Variants in CDK15 observed in about 807,000 individuals in gnomAD.
CDK15 encodes the protein cyclin-dependent kinase 15.
CDK15 carries 62 observed loss-of-function variants against 60.3 expected under a neutral mutation model. The observed-to-expected ratio is 1.03, with a 90% CI of 0.84 to 1.27. CDK15 has a LOEUF of 1.27. Among genes scored for constraint, CDK15 ranks in the 50% most tolerant of loss-of-function variants. The pLI, the probability that CDK15 is intolerant of heterozygous loss-of-function variation, is 0.00. For missense variants in CDK15, 541 were observed against 527.8 expected (o/e 1.03, Z -0.25); for synonymous variants, 194 against 195.7 (o/e 0.99, Z 0.07).
rs569055273 is a variant in CDK15 at position 201,878,388 on chromosome 2, A to G, written c.1059-1640A>G. Reference sequence around the variant, plus strand: ...AACTCTGGCTTCTCCCTCCCACTCTAGGGTCTGTGTAGGTACCACAGATCC... The same window carrying G: ...AACTCTGGCTTCTCCCTCCCACTCTGGGGTCTGTGTAGGTACCACAGATCC... On this transcript the variant is annotated intron_variant, in intron 11 of 13. Transcript: ENST00000652192. Among the ~76,000 whole-genome samples the G allele has an allele frequency of 9.9e-5, 15 of 151,924 alleles. No individual in the cohort carries two copies. In the South Asian group the frequency reaches 3.1e-3, roughly 32 times the overall value.
rs750991365 is a variant in CDK15, at chr2:201,890,847, T to A, written c.1261T>A (p.Ser421Thr). The A allele has an allele frequency of 6.2e-7, 1 of 1,613,812 alleles. No individual in the cohort carries two copies. The highest frequency in any genetic ancestry group is 1.7e-5 in the Admixed American group (1 of 60,012). Residue 421 changes from serine to threonine, a missense_variant, in exon 13 of 14, where the codon TCC (serine) becomes ACC (threonine). Ser to Thr is a moderately conservative substitution (Grantham distance 58). Transcript: ENST00000652192. ...LKPEMCDLLA[S>T]YQKGHHPAQF... Reference sequence around the variant, plus strand: ...GCCAGAAATGTGTGACCTTTTGGCCTCCTACCAGAAAGGTCACCACCCAGC... The same window carrying A: ...GCCAGAAATGTGTGACCTTTTGGCCACCTACCAGAAAGGTCACCACCCAGC...
chr2:201,810,080 A>G (rs932087979), intron 3 of CDK15, among the ~76,000 whole-genome samples: 1 of 152,032 alleles, frequency 6.6e-6, no homozygotes, highest in Admixed American at 6.6e-5. Flanking sequence ...TTTCTCTTAT[A>G]AACATATTTG....
intron 6 of CDK15, chr2:201,824,765 A>G: frequency 2.8e-6 from 2 of 716,850 alleles, no homozygotes; most frequent in Non-Finnish European, 3.9e-6. Flanking sequence ...CAAGAGCTTC[A>G]GCGCCTAATG....
At chr2:201,859,640 G>A (rs868690327) in intron 10 of CDK15, among the ~76,000 whole-genome samples, 8 of 152,178 alleles carry the variant, frequency 5.3e-5, no homozygotes, top group Admixed American at 1.3e-4. Context: ...GAGCCCAGTC[G>A]AGAGTTCTCT....
intron 4 of CDK15, 49 bp from the exon 5 acceptor site, chr2:201,822,760 G>A (rs752529253): frequency 9.5e-7 from 1 of 1,053,116 alleles, no homozygotes; most frequent in South Asian, 1.3e-5. Context: ...CTTTAGAGCA[G>A]CACTTTCATT....
At chr2:201,837,115 C>G (rs571017417) in intron 8 of CDK15, among the ~76,000 whole-genome samples, 58 of 151,846 alleles carry the variant, frequency 3.8e-4, no homozygotes, top group Non-Finnish European at 6.6e-4. Flanking sequence ...CTGGGTAGCA[C>G]AGTGAGATGC....
chr2:201,841,867 TTCTC>T (rs1213232520), intron 8 of CDK15, among the ~76,000 whole-genome samples: 2 of 152,226 alleles, frequency 1.3e-5, no homozygotes, highest in East Asian at 1.9e-4. Flanking sequence ...ACGTCTTTTC[TTCTC>T]TCTCTTTCTG....
At chr2:201,881,875 G>T (rs1382266508) in intron 12 of CDK15, among the ~76,000 whole-genome samples, 1 of 152,000 alleles carries the variant, frequency 6.6e-6, no homozygotes, top group African/African-American at 2.4e-5. Context: ...TCATGCAAGT[G>T]TACACGCTTG....
chr2:201,869,537 A>C (rs1698775350), intron 10 of CDK15, among the ~76,000 whole-genome samples: 1 of 152,112 alleles, frequency 6.6e-6, no homozygotes, highest in Non-Finnish European at 1.5e-5. Flanking sequence ...ATAATGAAAA[A>C]AATTAAATTA....
At position 201,889,513 on chromosome 2, in the gene CDK15, A is replaced by G. The variant is rs1699569153; in HGVS notation, c.1199-1272A>G. 6.4e-6 allele frequency: 5 copies of G among 777,528 alleles called. No homozygotes were observed. In the South Asian group the frequency reaches 2.3e-4, roughly 36 times the overall value. The allele number at this position is 777,528 out of a possible 1,614,324, so 48.2% of individuals were successfully genotyped here. On this transcript the variant is annotated intron_variant, in intron 12 of 13. Coordinates refer to ENST00000652192, the MANE Select transcript of CDK15 (RefSeq NM_001366386.2). Reference sequence around the variant, plus strand: ...TTACAGCAATCTGCCAGGAAGTTTTATTTTCCGTACTTTTCAGATAAGCCC... The same window carrying G: ...TTACAGCAATCTGCCAGGAAGTTTTGTTTTCCGTACTTTTCAGATAAGCCC...
intron 10 of CDK15, among the ~76,000 whole-genome samples, chr2:201,856,318 C>A (rs1698143077): frequency 6.6e-6 from 1 of 152,168 alleles, no homozygotes; most frequent in South Asian, 2.1e-4. Context: ...GCATCTTGAA[C>A]CACCAGGATT....
At chr2:201,831,434 C>G (rs1474317508) in intron 6 of CDK15, among the ~76,000 whole-genome samples, 2 of 152,152 alleles carry the variant, frequency 1.3e-5, no homozygotes, top group East Asian at 3.8e-4. Context: ...TTGAACTGTG[C>G]AGACACCATC....
At chr2:201,881,607 C>T (rs1427598725) in intron 12 of CDK15, among the ~76,000 whole-genome samples, 2 of 152,194 alleles carry the variant, frequency 1.3e-5, no homozygotes, top group East Asian at 3.9e-4. Flanking sequence ...TTTGGAGGAA[C>T]AAGAATTCAA....
chr2:201,813,497 C>T (rs1227782687), intron 4 of CDK15, among the ~76,000 whole-genome samples: 1 of 152,228 alleles, frequency 6.6e-6, no homozygotes, highest in African/African-American at 2.4e-5. Flanking sequence ...AACTACTTAT[C>T]TTCTGTTCTT....
Position 201,872,270 on chromosome 2 carries a change from C to G in CDK15, c.1010-8C>G. ...TTTATTTTTTAACGCCCTCTGTATG[C>G]TTCCCAGAATGGTTCCCACTGCCTA... On this transcript the variant is annotated splice_polypyrimidine_tract_variant and splice_region_variant and intron_variant, in intron 10 of 13. Transcript: ENST00000652192. 1 of 1,614,054 alleles carries G rather than the reference C, an allele frequency of 6.2e-7. No homozygotes were observed. The highest frequency in any genetic ancestry group is 8.5e-7 in the Non-Finnish European group (1 of 1,179,936).
At position 201,890,130 on chromosome 2, in the gene CDK15, C is replaced by G. The variant is rs542239302; in HGVS notation, c.1199-655C>G. ...ACTTCCTAAAACATATCTAGCCCAACGTGATGCTCATTGCCTATCACTCTC... is the reference window on the plus strand; with the variant it reads ...ACTTCCTAAAACATATCTAGCCCAAGGTGATGCTCATTGCCTATCACTCTC... On this transcript the variant is annotated intron_variant, in intron 12 of 13. Transcript: ENST00000652192. 2.6e-5 allele frequency among the ~76,000 whole-genome samples: 4 copies of G among 151,778 alleles called. No homozygotes were observed. The East Asian group carries it at 7.7e-4, about 29-fold the overall frequency.
chr2:201,854,326 G>A (rs1038775663), intron 9 of CDK15, among the ~76,000 whole-genome samples: 4 of 152,162 alleles, frequency 2.6e-5, no homozygotes, highest in Admixed American at 2.0e-4. Flanking sequence ...TAATAGAAAA[G>A]ACTAGAGTTA....
intron 9 of CDK15, among the ~76,000 whole-genome samples, chr2:201,850,656 G>T (rs1368067243): frequency 6.6e-6 from 1 of 152,170 alleles, no homozygotes; most frequent in African/African-American, 2.4e-5. Context: ...TACATGCCCT[G>T]TATTGGGATT....
chr2:201,819,313 G>A (rs1696123491), intron 4 of CDK15, among the ~76,000 whole-genome samples: 1 of 152,220 alleles, frequency 6.6e-6, no homozygotes, highest in Non-Finnish European at 1.5e-5. Context: ...ATTGGCAAGT[G>A]TAAAATCCTG....
Sources: gnomAD v4.1 joint callset for allele counts (sites outside exome capture counted in the v4.1 genomes callset) on GRCh38, gnomAD v4.1.1 for gene constraint, MANE v1.5 for transcripts, NCBI Gene and HGNC (gene_info 2026-07-23, HGNC 2026-07-21) for gene names.